Variants in SCNN1B observed in about 807,000 individuals in gnomAD.
SCNN1B encodes sodium channel epithelial 1 subunit beta, also known as epithelial sodium channel subunit beta.
In SCNN1B, 46 loss-of-function variants were observed where a neutral mutation model predicts 65.3. That is an observed-to-expected ratio of 0.70 (90% CI 0.56 to 0.90). The LOEUF is 0.90. Ranked by LOEUF, SCNN1B falls within the 40% of genes least tolerant of loss-of-function variation. SCNN1B has a pLI of 0.00. For synonymous variants in SCNN1B, 349 were observed against 330.6 expected, an observed-to-expected ratio of 1.06 and a Z score of -0.60; for missense variants, 751 against 830.5, an observed-to-expected ratio of 0.90 and a Z score of 1.18.
chr16:23,335,533 C>A (rs1356525440), intron 1 of SCNN1B, among the ~76,000 whole-genome samples: 1 of 151,746 alleles, frequency 6.6e-6, no homozygotes, highest in Non-Finnish European at 1.5e-5. Flanking sequence ...CTGCAACCTC[C>A]GCATCCCAGG....
At chr16:23,309,583 G>T (rs955461274) in intron 1 of SCNN1B, among the ~76,000 whole-genome samples, 1 of 152,204 alleles carries the variant, frequency 6.6e-6, no homozygotes, top group Non-Finnish European at 1.5e-5. Context: ...GTTTGAAAGC[G>T]GGAAGGGTCC....
intron 1 of SCNN1B, among the ~76,000 whole-genome samples, chr16:23,305,550 AT>A (rs1178895733): frequency 8.2e-5 from 3 of 36,558 alleles, no homozygotes; most frequent in Admixed American, 3.0e-4. Context: ...ATATATATAT[AT>A]ATATATATAT....
In SCNN1B at chr16:23,365,603, A is replaced by AAG. The variant is rs1491364246; in HGVS notation, c.777-2251_777-2250dup. Among the ~76,000 whole-genome samples, 429 of 93,620 alleles carry AAG rather than the reference A, an allele frequency of 4.6e-3. 3 individuals are homozygous for AAG. Among genetic ancestry groups the AAG allele is most frequent in the East Asian group, 0.044 (117 of 2,634 alleles). The allele number at this position is 93,620 out of a possible 152,430, so 61.4% of individuals were successfully genotyped here. On this transcript the variant is annotated intron_variant, in intron 4 of 12. Coordinates refer to ENST00000343070, the MANE Select transcript of SCNN1B (RefSeq NM_000336.3). ...AGAAAGAAAGAGAAAGAAAGAAAGA[A>AAG]AGAAAGAAAGAAAGAAAAAAGAAAG...
chr16:23,328,369 T>C (rs1298382095), intron 1 of SCNN1B, among the ~76,000 whole-genome samples: 2 of 152,218 alleles, frequency 1.3e-5, no homozygotes, highest in Non-Finnish European at 2.9e-5. Context: ...TAAAGAAAGA[T>C]ATTAAGTAAA....
intron 1 of SCNN1B, among the ~76,000 whole-genome samples, chr16:23,334,036 A>G (rs1197505356): frequency 1.3e-5 from 2 of 152,120 alleles, no homozygotes; most frequent in African/African-American, 4.8e-5. Flanking sequence ...GGAATTACTC[A>G]TCACCATGTA....
At chr16:23,367,484 A>G (rs9927952) in intron 4 of SCNN1B, among the ~76,000 whole-genome samples, 7,668 of 152,148 alleles carry the variant, frequency 0.05, 664 homozygotes, top group African/African-American at 0.18. Flanking sequence ...TTTTGTAGAG[A>G]TGAGGGTCTC....
intron 4 of SCNN1B, among the ~76,000 whole-genome samples, chr16:23,365,521 AAGAG>A (rs778079436): frequency 1.8e-4 from 26 of 146,998 alleles, no homozygotes; most frequent in Non-Finnish European, 3.3e-4. Flanking sequence ...AGAAAAGAAA[AAGAG>A]AGAAAGAGAG....
chr16:23,332,319 C>T (rs1176008900), intron 1 of SCNN1B, among the ~76,000 whole-genome samples: 1 of 152,052 alleles, frequency 6.6e-6, no homozygotes, highest in Non-Finnish European at 1.5e-5. Flanking sequence ...CCTCAGCCTC[C>T]CGAGTAGCTG....
chr16:23,323,491 A>G (rs1210235046), intron 1 of SCNN1B: 1 of 702,100 alleles, frequency 1.4e-6, no homozygotes, highest in Non-Finnish European at 2.6e-6. Flanking sequence ...GGTGCTTCAT[A>G]TTTACAATTT....
intron 7 of SCNN1B, chr16:23,372,178 A>C: frequency 4.2e-6 from 2 of 477,314 alleles, no homozygotes; most frequent in Non-Finnish European, 7.7e-6. Context: ...ATAGCAGCTA[A>C]CACCATCAAG....
intron 1 of SCNN1B, among the ~76,000 whole-genome samples, chr16:23,339,858 C>G (rs147122252): frequency 6.6e-6 from 1 of 151,986 alleles, no homozygotes; most frequent in Non-Finnish European, 1.5e-5. Context: ...TGAGCCACCG[C>G]GCCTGGCAAC....
chr16:23,283,321 G>A (rs1960807649), intron 1 of SCNN1B, among the ~76,000 whole-genome samples: 1 of 152,192 alleles, frequency 6.6e-6, no homozygotes, highest in African/African-American at 2.4e-5. Flanking sequence ...TGAGATATGA[G>A]GATCTCTTGA....
chr16:23,326,323 A>G (rs552305153), intron 1 of SCNN1B, among the ~76,000 whole-genome samples: 5 of 152,336 alleles, frequency 3.3e-5, no homozygotes, highest in African/African-American at 9.6e-5. Flanking sequence ...GCACAGATAA[A>G]CTAAAACAAT....
At chr16:23,283,597 A>G (rs953339908) in intron 1 of SCNN1B, 1 of 152,256 alleles carries the variant, frequency 6.6e-6, no homozygotes, top group Non-Finnish European at 1.5e-5. Context: ...CATTTGCACC[A>G]TGGTAAAGTC....
chr16:23,375,066 G>C (rs1962865207), intron 7 of SCNN1B, among the ~76,000 whole-genome samples: 1 of 152,148 alleles, frequency 6.6e-6, no homozygotes, highest in Non-Finnish European at 1.5e-5. Flanking sequence ...GTCTCTGAGT[G>C]GACTGAAACC....
chr16:23,307,324 T>TGG (rs1250478125), intron 1 of SCNN1B, among the ~76,000 whole-genome samples: 1 of 144,176 alleles, frequency 6.9e-6, no homozygotes, highest in Non-Finnish European at 1.5e-5. Context: ...TTGGTGGTTG[T>TGG]GGGGTGGTGT....
chr16:23,284,302 G>A (rs1313526448), intron 2 of SCNN1B, among the ~76,000 whole-genome samples: 1 of 152,114 alleles, frequency 6.6e-6, no homozygotes, highest in Non-Finnish European at 1.5e-5. Context: ...CTACTCGGGA[G>A]GCTGAGGTAG....
intron 1 of SCNN1B, among the ~76,000 whole-genome samples, chr16:23,311,340 C>T (rs893764001): frequency 6.6e-6 from 1 of 152,152 alleles, no homozygotes; most frequent in Non-Finnish European, 1.5e-5. Flanking sequence ...GGAAGGAGGA[C>T]TAAGATCTGG....
intron 2 of SCNN1B, among the ~76,000 whole-genome samples, chr16:23,289,278 C>T (rs1170798559): frequency 1.3e-5 from 2 of 152,092 alleles, no homozygotes; most frequent in South Asian, 2.1e-4. Context: ...GTGGAGGCTG[C>T]GTGTGGTAGC....
Sources: allele counts gnomAD v4.1 joint callset (sites outside exome capture counted in the v4.1 genomes callset), GRCh38; gene constraint gnomAD v4.1.1; transcripts MANE v1.5; gene names NCBI Gene and HGNC (gene_info 2026-07-23, HGNC 2026-07-21).